Variants in DAPK1 observed in about 807,000 individuals in gnomAD.
DAPK1 encodes the protein death associated protein kinase 1, also known as death-associated protein kinase 1.
In DAPK1, 56 loss-of-function variants were observed where a neutral mutation model predicts 144.9. The ratio of observed to expected loss-of-function variants is 0.39; its 90% CI spans 0.31 to 0.48. DAPK1 has a LOEUF of 0.48. Ranked by LOEUF, DAPK1 falls within the 20% of genes least tolerant of loss-of-function variation. The probability of loss-of-function intolerance (pLI) is 0.95; values close to 1 mark genes in which losing one functional copy is unlikely to be tolerated. For missense variants in DAPK1, 1,454 were observed against 1,875.4 expected (o/e 0.78, Z 4.15); for synonymous variants, 690 against 749.0 (o/e 0.92, Z 1.29).
chr9:87,682,750 G>A (rs570197576), intron 20 of DAPK1, among the ~76,000 whole-genome samples: 3 of 152,282 alleles, frequency 2.0e-5, no homozygotes, highest in South Asian at 2.1e-4. Flanking sequence ...TCTGAAGGAC[G>A]CCTCATTTAA....
intron 2 of DAPK1, chr9:87,499,484 T>G: frequency 2.8e-6 from 1 of 353,480 alleles, no homozygotes. Context: ...TGGAGTTAGC[T>G]TTTATGTGTG....
chr9:87,692,951 A>AT (rs1825116696), intron 21 of DAPK1, among the ~76,000 whole-genome samples: 1 of 40,182 alleles, frequency 2.5e-5, no homozygotes, highest in African/African-American at 7.8e-5. Flanking sequence ...AAGTGACTAG[A>AT]CTTTTTTTTT....
chr9:87,615,265 G>T (rs899161640), intron 3 of DAPK1, among the ~76,000 whole-genome samples: 5 of 152,152 alleles, frequency 3.3e-5, no homozygotes, highest in Admixed American at 2.6e-4. Flanking sequence ...ATTTCCCTGT[G>T]TGTAACTTGT....
At chr9:87,498,642 A>T (rs1226548443) in intron 1 of DAPK1, 3 of 347,380 alleles carry the variant, frequency 8.6e-6, no homozygotes, top group East Asian at 8.6e-5. Flanking sequence ...TGGAGGTGGG[A>T]AAGCTGGGTG....
At position 87,638,316 on chromosome 9, in the gene DAPK1, G is replaced by A. The variant is rs190883213; in HGVS notation, c.423+235G>A. Among the ~76,000 whole-genome samples, 419 of 152,330 alleles carry A rather than the reference G, an allele frequency of 2.8e-3. 1 individual carries two copies. Among genetic ancestry groups the A allele is most frequent in the African/African-American group, 9.5e-3 (395 of 41,568 alleles). On this transcript the variant is annotated intron_variant, in intron 4 of 25. Coordinates refer to ENST00000408954, the MANE Select transcript of DAPK1 (RefSeq NM_004938.4). The stretch of plus-strand genomic sequence containing the variant: ...AATTGATTACATTCTGGAATTCTTG[G>A]TAAAGAATACAAGGGGTCTTAGGAG...
At chr9:87,632,678 G>C (rs957765271) in intron 3 of DAPK1, 1 of 982,468 alleles carries the variant, frequency 1.0e-6, no homozygotes, top group African/African-American at 1.8e-5. Context: ...GAAGGAAGAT[G>C]AGTACCTATA....
intron 19 of DAPK1, among the ~76,000 whole-genome samples, chr9:87,675,468 GC>G (rs1468354068): frequency 1.3e-5 from 2 of 152,064 alleles, no homozygotes; most frequent in Non-Finnish European, 2.9e-5. Flanking sequence ...GGGTAACTGG[GC>G]TAGGGTCAGA....
At chr9:87,559,870 G>C (rs1332107789) in intron 2 of DAPK1, among the ~76,000 whole-genome samples, 2 of 151,990 alleles carry the variant, frequency 1.3e-5, no homozygotes, top group Non-Finnish European at 2.9e-5. Flanking sequence ...TCCTCAGAAA[G>C]GCCCCCATTC....
chr9:87,500,224 T>C (rs1241765591), intron 2 of DAPK1, among the ~76,000 whole-genome samples: 5 of 152,208 alleles, frequency 3.3e-5, no homozygotes, highest in African/African-American at 1.2e-4. Flanking sequence ...TTTTTAAAAG[T>C]TACTGTAACA....
intron 2 of DAPK1, among the ~76,000 whole-genome samples, chr9:87,580,444 A>G (rs780520732): frequency 3.1e-4 from 47 of 152,172 alleles, no homozygotes; most frequent in Non-Finnish European, 6.3e-4. Flanking sequence ...GTGCAAAGCA[A>G]TCTCAAATAT....
At chr9:87,606,535 C>CCT (rs1828723356) in intron 3 of DAPK1, among the ~76,000 whole-genome samples, 3 of 72,272 alleles carry the variant, frequency 4.2e-5, no homozygotes, top group South Asian at 6.1e-4. Context: ...CCTTCCTTCC[C>CCT]CCCTCCCTCC....
rs371401617 is a variant in DAPK1, at chr9:87,648,762, G to A, written c.1330-19G>A. The stretch of plus-strand genomic sequence containing the variant: ...CTCACAGATGTGGCTCTGAATCACC[G>A]GCTCCTTTTCTTCTGCAGTCTGGAG... On this transcript the variant is annotated intron_variant, in intron 14 of 25. Coordinates refer to ENST00000408954, the MANE Select transcript of DAPK1 (RefSeq NM_004938.4). The A allele has an allele frequency of 3.0e-5, 48 of 1,607,460 alleles. No homozygotes were observed. Among genetic ancestry groups the A allele is most frequent in the Middle Eastern group, 3.3e-4 (2 of 6,072 alleles).
intron 3 of DAPK1, among the ~76,000 whole-genome samples, chr9:87,627,358 G>C (rs951151827): frequency 6.6e-6 from 1 of 152,166 alleles, no homozygotes; most frequent in Non-Finnish European, 1.5e-5. Flanking sequence ...AGACTTTACT[G>C]AGAGCTGAGA....
chr9:87,596,429 A>G (rs1435042902), intron 2 of DAPK1, among the ~76,000 whole-genome samples: 1 of 152,232 alleles, frequency 6.6e-6, no homozygotes, highest in Non-Finnish European at 1.5e-5. Context: ...AGCCCTGCCC[A>G]GCCAGAACAC....
intron 2 of DAPK1, among the ~76,000 whole-genome samples, chr9:87,509,166 G>A (rs1824732764): frequency 6.6e-6 from 1 of 152,162 alleles, no homozygotes; most frequent in African/African-American, 2.4e-5. Flanking sequence ...GGCGCTGCAG[G>A]TATACGTATC....
chr9:87,681,862 CCA>C lies in DAPK1; in HGVS notation c.2224+239_2224+240del. On this transcript the variant is annotated intron_variant, in intron 20 of 25. Transcript: ENST00000408954. ...AACAAGGGCCTCACTGAAATCACAG[CCA>C]CAGACACAAAGGTCCATCCTCATAA... 4 of 572,358 alleles carry C rather than the reference CCA, an allele frequency of 7.0e-6. No individual in the cohort carries two copies. In the South Asian group the frequency reaches 8.1e-5, roughly 12 times the overall value. 35.5% of individuals were successfully genotyped at this position (572,358 alleles called of 1,614,324 possible).
intron 2 of DAPK1, among the ~76,000 whole-genome samples, chr9:87,508,861 AC>A (rs1824717708): frequency 6.6e-6 from 1 of 152,236 alleles, no homozygotes; most frequent in Admixed American, 6.5e-5. Context: ...GGATAGGTAC[AC>A]CTAAAGCAAT....
chr9:87,706,834 C>T lies in DAPK1; in HGVS notation c.3763C>T (p.Arg1255Trp), dbSNP rs1204615034. 4 of 1,613,788 alleles carry T rather than the reference C, an allele frequency of 2.5e-6. No homozygotes were observed. Among genetic ancestry groups the T allele is most frequent in the South Asian group, 2.2e-5 (2 of 91,048 alleles). The change falls in exon 26 of 26, where the codon CGG (arginine) becomes TGG (tryptophan). Residue 1255 changes from arginine to tryptophan, a missense_variant. Physicochemically the swap from Arg to Trp is moderately radical, Grantham distance 101 (BLOSUM62 -3). Transcript: ENST00000408954. This position sits in a 1 kb window ranked among gnomAD's most constrained non-coding sequence, Gnocchi z 9.0. The stretch of plus-strand genomic sequence containing the variant: ...TGAGCCCGTCATGATCTACCAGCCA[C>T]GGGACTTCTTCCGGGCACAGACTCT... Reference protein sequence around the residue: ...HHEPVMIYQPRDFFRAQTLKE... With the variant: ...HHEPVMIYQPWDFFRAQTLKE...
At chr9:87,662,282 T>A (rs1458712528) in intron 18 of DAPK1, among the ~76,000 whole-genome samples, 1 of 152,224 alleles carries the variant, frequency 6.6e-6, no homozygotes, top group Non-Finnish European at 1.5e-5. Context: ...TCTTTTTGCT[T>A]AGGATTGCTT....
Sources: allele counts gnomAD v4.1 joint callset (sites outside exome capture counted in the v4.1 genomes callset), GRCh38; gene constraint gnomAD v4.1.1; non-coding constraint Gnocchi (gnomAD v3.1); transcripts MANE v1.5; gene names NCBI Gene and HGNC (gene_info 2026-07-23, HGNC 2026-07-21).